Variants in HMMR observed in about 807,000 individuals in gnomAD.
HMMR encodes the protein hyaluronan mediated motility receptor, also known as intracellular hyaluronic acid-binding protein.
In HMMR, 108 loss-of-function variants were observed where a neutral mutation model predicts 101.0. The ratio of observed to expected loss-of-function variants is 1.07; its 90% confidence interval spans 0.92 to 1.25. The LOEUF is 1.25. Among genes scored for constraint, HMMR ranks in the 50% most tolerant of loss-of-function variants. The pLI is 0.00. For missense variants in HMMR, 813 were observed against 788.7 expected (o/e 1.03, Z -0.37); for synonymous variants, 296 against 276.4 (o/e 1.07, Z -0.70).
At chr5:163,484,407 G>A (rs989304328) in intron 16 of HMMR, among the ~76,000 whole-genome samples, 162 bp downstream of exon 16, 1 of 152,114 alleles carries the variant, frequency 6.6e-6, no homozygotes. Context: ...GTGTTGACCA[G>A]ATGGGCATTC....
chr5:163,483,490 AT>A, intron 15 of HMMR, 123 bp downstream of exon 15: 1 of 567,520 alleles, frequency 1.8e-6, no homozygotes, highest in Non-Finnish European at 3.2e-6. Context: ...TACAGTGCCA[AT>A]TTAGCTCACT....
intron 15 of HMMR, 45 bp downstream of exon 15, chr5:163,483,412 T>C: frequency 9.5e-7 from 1 of 1,049,230 alleles, no homozygotes; most frequent in Non-Finnish European, 1.5e-6. Flanking sequence ...TTTTAGGGAC[T>C]CACTTTGTTC....
chr5:163,490,274 G>T (rs900611673), intron 16 of HMMR, 116 bp from the exon 17 acceptor site: 1 of 623,452 alleles, frequency 1.6e-6, no homozygotes. Flanking sequence ...AGTGATTTTT[G>T]CTGTTGAGTG....
In HMMR at chr5:163,474,156, A is replaced by G; in HGVS notation, c.1004A>G (p.Lys335Arg). The G allele has an allele frequency of 6.2e-7, 1 of 1,610,264 alleles. No homozygotes were observed. The highest frequency in any genetic ancestry group is 8.5e-7 in the Non-Finnish European group (1 of 1,178,240). Residue 335 changes from lysine (K) to arginine (R), a missense_variant, in exon 10 of 18, where the codon AAG (lysine) becomes AGG (arginine). Lys to Arg is a conservative substitution (Grantham distance 26). Transcript: ENST00000393915. ...KFILEQQERE[K>R]LQQKELQIDS... ...ATTCTTGAACAACAGGAACGTGAAA[A>G]GCTTCAACAAAAAGAATTACAAATT...
At chr5:163,478,589 T>C in intron 11 of HMMR, 95 bp from the exon 12 acceptor site, 1 of 758,512 alleles carries the variant, frequency 1.3e-6, no homozygotes, top group East Asian at 2.5e-5. Flanking sequence ...AGATATGAGC[T>C]ATATGATTCA....
At chr5:163,462,183 G>T (rs577277682) in intron 1 of HMMR, among the ~76,000 whole-genome samples, 25 of 151,952 alleles carry the variant, frequency 1.6e-4, no homozygotes, top group South Asian at 1.0e-3. Context: ...GGTTTTTTTG[G>T]TTTTTTTGTT....
chr5:163,489,730 C>G (rs1759615030), intron 16 of HMMR, among the ~76,000 whole-genome samples: 1 of 152,154 alleles, frequency 6.6e-6, no homozygotes, highest in Non-Finnish European at 1.5e-5. Context: ...GGATCCCCCA[C>G]CTCACAATTG....
Position 163,471,196 on chromosome 5 carries a change from T to C in HMMR, c.474T>C (p.Asn158=), listed in dbSNP as rs1266953249. The C allele has an allele frequency of 3.1e-6, 5 of 1,602,282 alleles. No homozygotes were observed. Among genetic ancestry groups the C allele is most frequent in the Admixed American group, 1.7e-5 (1 of 59,820 alleles). ...TTTGTTGTATTTAGTTTTCTGAAAA[T>C]GGTAACCAGAAGAATTTGAGAATTC... is the stretch of plus-strand genomic sequence containing the variant. ...NELLKSKFSE[N]GNQKNLRILS... is the part of the protein sequence containing the mutation. The change falls in exon 6 of 18, where the codon AAT becomes AAC. Residue 158 remains asparagine (N), a synonymous_variant. Coordinates refer to ENST00000393915, the MANE Select transcript of HMMR (RefSeq NM_001142556.2).
At chr5:163,465,682 C>T (rs924315104) in intron 3 of HMMR, among the ~76,000 whole-genome samples, 49 of 152,162 alleles carry the variant, frequency 3.2e-4, no homozygotes, top group African/African-American at 1.2e-3. Context: ...AGCTGGGGGG[C>T]GCACAGTGGT....
intron 11 of HMMR, among the ~76,000 whole-genome samples, chr5:163,478,216 A>G (rs373417784): frequency 6.6e-6 from 1 of 152,224 alleles, no homozygotes; most frequent in African/African-American, 2.4e-5. Context: ...TTTCAGTAAT[A>G]GAGTATTATG....
At chr5:163,473,578 TAC>T in intron 9 of HMMR, 21 bp downstream of exon 9, 1 of 1,466,492 alleles carries the variant, frequency 6.8e-7, no homozygotes, top group Non-Finnish European at 9.3e-7. Flanking sequence ...GTTTTATAGT[TAC>T]TTTGTTTAGA....
At position 163,491,716 on chromosome 5, in the gene HMMR, C is replaced by G. The variant is rs191462079; in HGVS notation, c.*552C>G. On this transcript the variant is annotated 3_prime_UTR_variant, in exon 18 of 18. Transcript: ENST00000393915. The stretch of plus-strand genomic sequence containing the variant: ...GTTTAATAATTTACAGGTTCTTAGG[C>G]TCCATCCTGTTTGTATGAAATTATA... 6.6e-6 allele frequency: 1 copy of G among 152,296 alleles called. No homozygotes were observed. The highest frequency in any genetic ancestry group is 6.5e-5 in the Admixed American group (1 of 15,296). The allele number at this position is 152,296 out of a possible 1,614,324, so 9.4% of individuals were successfully genotyped here. A position where few individuals can be genotyped will look rare whatever the true frequency, so the allele number is the denominator to read the frequency against.
At chr5:163,479,860 A>G (rs576671194) in intron 12 of HMMR, among the ~76,000 whole-genome samples, 14 of 152,032 alleles carry the variant, frequency 9.2e-5, no homozygotes, top group South Asian at 8.3e-4. Context: ...CTCACCTCCC[A>G]TGCCTTCTAC....
chr5:163,465,301 A>G (rs1191264054), intron 3 of HMMR: 1 of 152,906 alleles, frequency 6.5e-6, no homozygotes, highest in East Asian at 1.9e-4. Flanking sequence ...AAGTTTATAA[A>G]CAGGCAAGCT....
intron 16 of HMMR, among the ~76,000 whole-genome samples, chr5:163,487,258 A>G (rs1317651450): frequency 6.6e-6 from 1 of 151,984 alleles, no homozygotes; most frequent in Non-Finnish European, 1.5e-5. Context: ...TGATTTTTAG[A>G]TATTAATCTA....
intron 16 of HMMR, 108 bp from the exon 17 acceptor site, chr5:163,490,282 G>T: frequency 1.5e-6 from 1 of 662,338 alleles, no homozygotes; most frequent in African/African-American, 1.8e-5. Context: ...TTGCTGTTGA[G>T]TGTGATAATA....
intron 16 of HMMR, among the ~76,000 whole-genome samples, chr5:163,486,371 ATT>A (rs1454142465): frequency 6.6e-6 from 1 of 152,034 alleles, no homozygotes; most frequent in Non-Finnish European, 1.5e-5. Context: ...ATTTATTACT[ATT>A]TTATTCTTTT....
chr5:163,488,488 TG>T (rs922066480), intron 16 of HMMR, among the ~76,000 whole-genome samples: 2 of 152,198 alleles, frequency 1.3e-5, no homozygotes, highest in African/African-American at 4.8e-5. Flanking sequence ...CCCCTCCTTT[TG>T]GGGGCTTTTT....
At chr5:163,488,766 A>T (rs774391237) in intron 16 of HMMR, among the ~76,000 whole-genome samples, 37 of 152,222 alleles carry the variant, frequency 2.4e-4, no homozygotes, top group Non-Finnish European at 4.9e-4. Flanking sequence ...TTGCTCTATA[A>T]ACTAATCCAA....
Sources: gnomAD v4.1 joint callset for allele counts (sites outside exome capture counted in the v4.1 genomes callset) on GRCh38, gnomAD v4.1.1 for gene constraint, MANE v1.5 for transcripts, NCBI Gene and HGNC (gene_info 2026-07-23, HGNC 2026-07-21) for gene names.